TNNT2: variants seen among roughly 807,000 people sequenced by gnomAD.
The protein encoded by TNNT2 is troponin T2, cardiac type.
TNNT2 carries 34 observed loss-of-function variants against 62.4 expected under a neutral mutation model. That is an observed-to-expected ratio of 0.54 (90% CI 0.41 to 0.72). TNNT2 has a LOEUF of 0.72. Ranked by LOEUF, TNNT2 falls within the 30% of genes least tolerant of loss-of-function variation. The pLI is 0.00. For missense variants in TNNT2, 275 were observed against 381.9 expected, an observed-to-expected ratio of 0.72 and a Z score of 2.33; for synonymous variants, 123 against 127.2, an observed-to-expected ratio of 0.97 and a Z score of 0.22.
chr1:201,359,201 G>T lies in TNNT2; in HGVS notation c.*9C>A, dbSNP rs370503996. 15 of 1,608,576 alleles carry T rather than the reference G, an allele frequency of 9.3e-6. No homozygotes were observed. In the South Asian group the frequency reaches 1.7e-4, roughly 18 times the overall value. ...CGAGGAGCAGATCTTTGGTGAAGGA[G>T]GCCAGGCTCTATTTCCAGCGCCCGG... On this transcript the variant is annotated 3_prime_UTR_variant, in exon 17 of 17. Coordinates refer to ENST00000656932, the MANE Select transcript of TNNT2 (RefSeq NM_001276345.2).
intron 7 of TNNT2, 62 bp downstream of exon 7, chr1:201,367,709 C>A (rs1659908043): frequency 2.5e-6 from 4 of 1,571,038 alleles, no homozygotes; most frequent in African/African-American, 1.4e-5. Flanking sequence ...TGGGCATTCT[C>A]CTCCAAAGCT....
At chr1:201,361,777 T>G in intron 14 of TNNT2, 136 bp downstream of exon 14, 1 of 855,012 alleles carries the variant, frequency 1.2e-6, no homozygotes, top group Non-Finnish European at 2.0e-6. Context: ...CCAGCTCTGG[T>G]CCCACCAAAC....
At chr1:201,372,078 A>G in intron 3 of TNNT2, 37 bp from the exon 4 acceptor site, 1 of 1,614,082 alleles carries the variant, frequency 6.2e-7, no homozygotes, top group Non-Finnish European at 8.5e-7. Flanking sequence ...AAGAGAAGAG[A>G]GAAGAGGTGG....
chr1:201,364,077 G>A (rs918657523), intron 11 of TNNT2: 8 of 551,812 alleles, frequency 1.4e-5, no homozygotes, highest in South Asian at 4.0e-5. Flanking sequence ...GTAGAGACAG[G>A]GTTTCTCCGT....
intron 7 of TNNT2, chr1:201,367,488 G>A: frequency 1.7e-6 from 1 of 576,280 alleles, no homozygotes; most frequent in Non-Finnish European, 3.1e-6. Context: ...AGCTTCATGT[G>A]TGGATATGAC....
chr1:201,373,683 C>A, intron 1 of TNNT2: 1 of 272,974 alleles, frequency 3.7e-6, no homozygotes, highest in Non-Finnish European at 7.1e-6. Flanking sequence ...AAGCGATTCT[C>A]CCACCTCAGC....
intron 8 of TNNT2, chr1:201,366,165 C>T (rs555173921): frequency 9.5e-7 from 1 of 1,052,922 alleles, no homozygotes; most frequent in Non-Finnish European, 1.1e-6. Flanking sequence ...GTGTGTGGAG[C>T]TGAAATGAGA....
chr1:201,373,262 G>A lies in TNNT2; in HGVS notation c.-8C>T. On this transcript the variant is annotated 5_prime_UTR_variant, in exon 2 of 17. Transcript: ENST00000656932. ...CTCTTCTATGTCAGACATGGTCTCT[G>A]CTCTCCCTCCAAAAGGAGAAAAAAG... The A allele has an allele frequency of 6.2e-7, 1 of 1,614,044 alleles. No individual in the cohort carries two copies. The highest frequency in any genetic ancestry group is 8.5e-7 in the Non-Finnish European group (1 of 1,179,974).
rs1170347877 is a variant in TNNT2 at position 201,364,205 on chromosome 1, T to C, written c.489+93A>G. On this transcript the variant is annotated intron_variant, in intron 11 of 16. Transcript: ENST00000656932. ...GGCCAATATTGTCTCTTGACTGATT[T>C]CATTCATGTTGATGAATAGAGAGGG... The C allele has an allele frequency of 9.1e-6, 12 of 1,317,692 alleles. No homozygotes were observed. In the South Asian group the frequency reaches 1.4e-4, roughly 15 times the overall value. 81.6% of individuals were successfully genotyped at this position (1,317,692 alleles called of 1,614,324 possible).
intron 11 of TNNT2, 153 bp from the exon 12 acceptor site, chr1:201,363,559 C>A: frequency 1.5e-6 from 1 of 685,472 alleles, no homozygotes; most frequent in South Asian, 1.7e-5. Context: ...ACAGTGCTGG[C>A]CCACAGGAGT....
chr1:201,366,817 C>G (rs1183497274), intron 8 of TNNT2, 21 bp downstream of exon 8: 22 of 1,614,048 alleles, frequency 1.4e-5, no homozygotes, highest in Non-Finnish European at 1.9e-5. Flanking sequence ...CCCGGCTCTA[C>G]CCAGGTGCCT....
At chr1:201,361,110 G>C (rs1455730233) in intron 15 of TNNT2, 169 bp downstream of exon 15, 1 of 750,950 alleles carries the variant, frequency 1.3e-6, no homozygotes, top group Non-Finnish European at 2.4e-6. Context: ...CAATGCGGTG[G>C]ACATGGAACA....
chr1:201,365,372 G>T, intron 9 of TNNT2, 65 bp from the exon 10 acceptor site: 1 of 1,398,016 alleles, frequency 7.2e-7, no homozygotes, highest in Non-Finnish European at 1.0e-6. Flanking sequence ...AGATGGGTGG[G>T]CTAGACACCC....
In TNNT2 at chr1:201,366,049, G is replaced by A. The variant is rs549897863; in HGVS notation, c.234-379C>T. On this transcript the variant is annotated intron_variant, in intron 8 of 16. Transcript: ENST00000656932. The stretch of plus-strand genomic sequence containing the variant: ...GACTTCAAATCCCCTGGTGGACCCC[G>A]CAGAAACTGGCCATGAACCTGGGAG... 4.5e-4 allele frequency: 520 copies of A among 1,159,712 alleles called. 3 individuals are homozygous for A. Among genetic ancestry groups the A allele is most frequent in the South Asian group, 1.2e-3 (61 of 49,978 alleles). 71.8% of individuals were successfully genotyped at this position (1,159,712 alleles called of 1,614,324 possible). A position where few individuals can be genotyped will look rare whatever the true frequency, so the allele number is the denominator to read the frequency against.
At chr1:201,366,459 C>T in intron 8 of TNNT2, 1 of 1,144,468 alleles carries the variant, frequency 8.7e-7, no homozygotes, top group South Asian at 2.2e-5. Context: ...CATGCCTATG[C>T]TGGCACGGTT....
At chr1:201,362,157 C>G in intron 13 of TNNT2, 135 bp from the exon 14 acceptor site, 1 of 1,180,688 alleles carries the variant, frequency 8.5e-7, no homozygotes, top group Non-Finnish European at 1.3e-6. Flanking sequence ...TGCCACACCC[C>G]CCAACTACCA....
At chr1:201,368,747 TAGAC>T (rs1558240681) in intron 5 of TNNT2, among the ~76,000 whole-genome samples, 2 of 152,182 alleles carry the variant, frequency 1.3e-5, no homozygotes, top group African/African-American at 2.4e-5. Context: ...GCACTTGGTG[TAGAC>T]AGACAGACAA....
chr1:201,367,860 C>T, intron 6 of TNNT2, 54 bp from the exon 7 acceptor site: 1 of 1,600,004 alleles, frequency 6.2e-7, no homozygotes, highest in South Asian at 1.1e-5. Flanking sequence ...TCAAGTCCCC[C>T]CCTCCGCCAC....
intron 10 of TNNT2, 79 bp downstream of exon 10, chr1:201,365,112 A>G: frequency 8.1e-7 from 1 of 1,233,060 alleles, no homozygotes; most frequent in Admixed American, 1.7e-5. Flanking sequence ...GGCTGTCTGG[A>G]GGAGGTGGGG....
Sources: gnomAD v4.1 joint callset for allele counts (sites outside exome capture counted in the v4.1 genomes callset) on GRCh38, gnomAD v4.1.1 for gene constraint, MANE v1.5 for transcripts, NCBI Gene and HGNC (gene_info 2026-07-23, HGNC 2026-07-21) for gene names.